The following HS6ST3 variants were observed in gnomAD, a reference collection of about 807,000 sequenced individuals.
HS6ST3 encodes the protein heparan sulfate 6-O-sulfotransferase 3, also known as heparan-sulfate 6-O-sulfotransferase 3.
In HS6ST3, 12 loss-of-function variants were observed where a neutral mutation model predicts 36.7. The ratio of observed to expected loss-of-function variants is 0.33; its 90% CI spans 0.21 to 0.53. The LOEUF (loss-of-function observed/expected upper bound fraction) is 0.53. Ranked by LOEUF, HS6ST3 falls within the 20% of genes least tolerant of loss-of-function variation. HS6ST3 has a pLI of 0.95. For synonymous variants in HS6ST3, 240 were observed against 257.5 expected, an observed-to-expected ratio of 0.93 and a Z score of 0.65; for missense variants, 584 against 640.9, an observed-to-expected ratio of 0.91 and a Z score of 0.96.
At chr13:96,097,958 T>C (rs1424592640) in intron 1 of HS6ST3, among the ~76,000 whole-genome samples, 1 of 152,262 alleles carries the variant, frequency 6.6e-6, no homozygotes, top group Non-Finnish European at 1.5e-5. Context: ...ATGACTCTGT[T>C]ATTTCAGGTG....
chr13:96,599,164 G>A lies in HS6ST3; in HGVS notation c.708-233326G>A, dbSNP rs138345411. ...TTTCTTTCTTTTTGTCCTTTTCTGG[G>A]TTAGGCATCACGGTGATACTAACTT... On this transcript the variant is annotated intron_variant, in intron 1 of 1. Coordinates refer to ENST00000376705, the MANE Select transcript of HS6ST3 (RefSeq NM_153456.4). Among the ~76,000 whole-genome samples, 94 of 151,898 alleles carry A rather than the reference G, an allele frequency of 6.2e-4. No individual in the cohort carries two copies. The Middle Eastern group carries it at 0.014, about 22-fold the overall frequency.
chr13:96,397,996 G>C (rs1472186353), intron 1 of HS6ST3, among the ~76,000 whole-genome samples: 1 of 152,154 alleles, frequency 6.6e-6, no homozygotes, highest in African/African-American at 2.4e-5. Context: ...AGGAAAATGA[G>C]GTTAAGATTC....
At chr13:96,558,608 G>A (rs1278813617) in intron 1 of HS6ST3, among the ~76,000 whole-genome samples, 1 of 152,124 alleles carries the variant, frequency 6.6e-6, no homozygotes, top group Non-Finnish European at 1.5e-5. Flanking sequence ...AAAAAAGATA[G>A]TATAGTACAA....
chr13:96,217,755 T>C (rs952058563), intron 1 of HS6ST3, among the ~76,000 whole-genome samples: 1 of 152,196 alleles, frequency 6.6e-6, no homozygotes, highest in African/African-American at 2.4e-5. Context: ...TGTATGTTTG[T>C]GTGTGTGACT....
intron 1 of HS6ST3, among the ~76,000 whole-genome samples, chr13:96,147,449 T>C (rs2054063719): frequency 6.6e-6 from 1 of 152,230 alleles, no homozygotes; most frequent in Non-Finnish European, 1.5e-5. Flanking sequence ...GTTGTTTTGT[T>C]CAATGTTGCT....
intron 1 of HS6ST3, among the ~76,000 whole-genome samples, chr13:96,763,644 T>C (rs1276790597): frequency 6.6e-6 from 1 of 152,146 alleles, no homozygotes; most frequent in Non-Finnish European, 1.5e-5. Context: ...GGCTTCACTA[T>C]TAGGAGCTCA....
Position 96,833,420 on chromosome 13 carries a change from G to A in HS6ST3, c.*222G>A, listed in dbSNP as rs181151386. On this transcript the variant is annotated 3_prime_UTR_variant, in exon 2 of 2. Transcript: ENST00000376705. ...GCAATTGGTGATATTAAGTAGGGTA[G>A]GAGTGCATCCCATATAGGCCATTTT... is the stretch of plus-strand genomic sequence containing the variant. The A allele has an allele frequency of 3.0e-4, 158 of 528,606 alleles. No individual in the cohort carries two copies. Among genetic ancestry groups the A allele is most frequent in the African/African-American group, 1.9e-3 (98 of 52,822 alleles). The allele number at this position is 528,606 out of a possible 1,614,324, so 32.7% of individuals were successfully genotyped here. A position where few individuals can be genotyped will look rare whatever the true frequency, so the allele number is the denominator to read the frequency against.
At chr13:96,528,390 A>C (rs2056122491) in intron 1 of HS6ST3, among the ~76,000 whole-genome samples, 2 of 152,352 alleles carry the variant, frequency 1.3e-5, no homozygotes, top group East Asian at 3.9e-4. Flanking sequence ...GATAAAATTT[A>C]AGATTTCAAG....
intron 1 of HS6ST3, among the ~76,000 whole-genome samples, chr13:96,652,316 T>C (rs866182736): frequency 1.3e-5 from 2 of 152,040 alleles, no homozygotes; most frequent in Non-Finnish European, 2.9e-5. Context: ...TACATATATG[T>C]ATTTGCTATG....
intron 1 of HS6ST3, among the ~76,000 whole-genome samples, chr13:96,299,026 T>A (rs542350315): frequency 6.6e-6 from 1 of 152,302 alleles, no homozygotes; most frequent in East Asian, 1.9e-4. Flanking sequence ...TTTCAGTAAT[T>A]GTTTCTGGAT....
intron 1 of HS6ST3, among the ~76,000 whole-genome samples, chr13:96,167,115 A>G (rs892502895): frequency 6.6e-6 from 1 of 152,132 alleles, no homozygotes; most frequent in Admixed American, 6.5e-5. Context: ...AGAACAGACT[A>G]ATAATACAGG....
At chr13:96,110,187 A>G (rs1029241221) in intron 1 of HS6ST3, among the ~76,000 whole-genome samples, 2 of 152,114 alleles carry the variant, frequency 1.3e-5, no homozygotes, top group Admixed American at 6.5e-5. Context: ...GAAGCTTACA[A>G]TTATGGAAGA....
intron 1 of HS6ST3, among the ~76,000 whole-genome samples, chr13:96,395,668 G>T (rs532167209): frequency 2.6e-5 from 4 of 152,316 alleles, no homozygotes; most frequent in African/African-American, 9.6e-5. Flanking sequence ...ATTTTGGGGG[G>T]TCTGTGTGGA....
chr13:96,101,743 G>A (rs573154961), intron 1 of HS6ST3, among the ~76,000 whole-genome samples: 1 of 152,108 alleles, frequency 6.6e-6, no homozygotes, highest in Non-Finnish European at 1.5e-5. Context: ...CCCATCCAGA[G>A]GAGGGGATTT....
At position 96,185,506 on chromosome 13, in the gene HS6ST3, C is replaced by T. The variant is rs189163592; in HGVS notation, c.707+93937C>T. ...TTATTCTGTCTTGTGCACAATGCTG[C>T]CTCCTCACTGTGCCACAGCTGAGGG... On this transcript the variant is annotated intron_variant, in intron 1 of 1. Transcript: ENST00000376705. 1.3e-4 allele frequency among the ~76,000 whole-genome samples: 20 copies of T among 152,344 alleles called. No homozygotes were observed. The East Asian group carries it at 3.9e-3, about 29-fold the overall frequency.
At chr13:96,094,106 A>G (rs2053778406) in intron 1 of HS6ST3, among the ~76,000 whole-genome samples, 1 of 152,188 alleles carries the variant, frequency 6.6e-6, no homozygotes, top group Non-Finnish European at 1.5e-5. Flanking sequence ...AGTCAGATAA[A>G]TATGGCTCTT....
At position 96,774,714 on chromosome 13, in the gene HS6ST3, C is replaced by A. The variant is rs145473359; in HGVS notation, c.708-57776C>A. On this transcript the variant is annotated intron_variant, in intron 1 of 1. Transcript: ENST00000376705. ...ATCAAACCTACGTTTGATTGGGGTA[C>A]CTGAAAGTGACGGGGAGAATGCAAC... is the stretch of plus-strand genomic sequence containing the variant. Among the ~76,000 whole-genome samples, 103 of 152,188 alleles carry A rather than the reference C, an allele frequency of 6.8e-4. 1 individual carries two copies. The East Asian group carries it at 0.019, about 28-fold the overall frequency.
At chr13:96,442,113 C>A (rs2055674509) in intron 1 of HS6ST3, among the ~76,000 whole-genome samples, 1 of 151,882 alleles carries the variant, frequency 6.6e-6, no homozygotes, top group Admixed American at 6.6e-5. Context: ...CCTTGACCTC[C>A]CGTGTTCAGG....
chr13:96,483,185 G>A (rs2055897644), intron 1 of HS6ST3, among the ~76,000 whole-genome samples: 1 of 152,170 alleles, frequency 6.6e-6, no homozygotes, highest in Admixed American at 6.5e-5. Context: ...ATTTAACTGT[G>A]GGAATGGTCA....
Sources: allele counts gnomAD v4.1 joint callset (sites outside exome capture counted in the v4.1 genomes callset), GRCh38; gene constraint gnomAD v4.1.1; transcripts MANE v1.5; gene names NCBI Gene and HGNC (gene_info 2026-07-23, HGNC 2026-07-21).